The following DAZL variants were observed in gnomAD, a reference collection of about 807,000 sequenced individuals.
DAZL encodes the protein deleted in azoospermia-like.
DAZL carries 4 observed loss-of-function variants against 45.0 expected under a neutral mutation model. The ratio of observed to expected loss-of-function variants is 0.09; its 90% CI spans 0.04 to 0.20. DAZL has a LOEUF of 0.20. Ranked by LOEUF, DAZL falls within the 10% of genes least tolerant of loss-of-function variation. The probability of loss-of-function intolerance (pLI) is 1.00; values close to 1 mark genes in which losing one functional copy is unlikely to be tolerated. For synonymous variants in DAZL, 122 were observed against 112.4 expected (o/e 1.09, Z -0.54); for missense variants, 326 against 351.3 (o/e 0.93, Z 0.58).
chr3:16,603,601 C>G (rs953978324), intron 1 of DAZL, among the ~76,000 whole-genome samples: 3 of 152,178 alleles, frequency 2.0e-5, no homozygotes, highest in African/African-American at 7.2e-5. Flanking sequence ...CCCGCCTCAG[C>G]CTCCTAAAGA....
intron 1 of DAZL, among the ~76,000 whole-genome samples, chr3:16,604,114 G>A (rs1318680682): frequency 2.0e-5 from 3 of 152,142 alleles, no homozygotes; most frequent in Non-Finnish European, 4.4e-5. Flanking sequence ...CATAATAGGT[G>A]TTTATTTTTA....
intron 1 of DAZL, among the ~76,000 whole-genome samples, chr3:16,601,306 A>T (rs57742889): frequency 0.02 from 3,006 of 152,252 alleles, 104 homozygotes; most frequent in African/African-American, 0.068. Flanking sequence ...AGGAAGTCTG[A>T]CTTTGGCTTG....
At chr3:16,594,284 C>T (rs1030259236) in intron 8 of DAZL, among the ~76,000 whole-genome samples, 1 of 151,976 alleles carries the variant, frequency 6.6e-6, no homozygotes, top group African/African-American at 2.4e-5. Flanking sequence ...CAACAAGTAA[C>T]TGAACACTTA....
intron 1 of DAZL, 101 bp from the exon 2 acceptor site, chr3:16,598,699 A>C (rs1360551093): frequency 1.6e-6 from 2 of 1,245,278 alleles, no homozygotes; most frequent in Non-Finnish European, 2.1e-6. Context: ...TATTTTATAT[A>C]AATTACTTTC....
At chr3:16,596,028 G>C (rs898500531) in intron 6 of DAZL, among the ~76,000 whole-genome samples, 2 of 151,726 alleles carry the variant, frequency 1.3e-5, no homozygotes, top group Non-Finnish European at 2.9e-5. Flanking sequence ...CCATTGTTCA[G>C]AGAAGGAGAA....
At chr3:16,593,621 T>C (rs1216098968) in intron 9 of DAZL, 34 bp downstream of exon 9, 1 of 1,289,458 alleles carries the variant, frequency 7.8e-7, no homozygotes, top group Non-Finnish European at 1.1e-6. Flanking sequence ...AAAAAATAAA[T>C]ATGAAATATA....
chr3:16,593,003 T>C (rs1694544236), intron 9 of DAZL, among the ~76,000 whole-genome samples: 1 of 152,226 alleles, frequency 6.6e-6, no homozygotes, highest in Non-Finnish European at 1.5e-5. Flanking sequence ...TAATTATTAC[T>C]GACTTCACCA....
intron 6 of DAZL, 71 bp downstream of exon 6, chr3:16,596,679 T>A (rs1285825800): frequency 1.3e-6 from 2 of 1,521,898 alleles, no homozygotes; most frequent in African/African-American, 2.7e-5. Context: ...ACTACAGAAA[T>A]TGGATGTAAT....
Position 16,592,157 on chromosome 3 carries a change from CAGA to C in DAZL, c.736-12_736-10del, listed in dbSNP as rs1432428097. 1.9e-6 allele frequency: 3 copies of C among 1,610,842 alleles called. No homozygotes were observed. The highest frequency in any genetic ancestry group is 1.3e-5 in the African/African-American group (1 of 74,884). ...CTTCGGTCCACAGATTTCTGAAACA[CAGA>C]AGTTTTCAGTAATGTAAAGACGACT... On this transcript the variant is annotated splice_polypyrimidine_tract_variant and intron_variant, in intron 9 of 10. Transcript: ENST00000399444.
intron 1 of DAZL, among the ~76,000 whole-genome samples, chr3:16,603,130 G>A (rs1694717930): frequency 6.6e-6 from 1 of 152,052 alleles, no homozygotes; most frequent in Non-Finnish European, 1.5e-5. Context: ...ACCATCAGTG[G>A]GAAAATACTG....
chr3:16,593,893 A>G (rs1694558645), intron 8 of DAZL, 125 bp from the exon 9 acceptor site: 1 of 622,294 alleles, frequency 1.6e-6, no homozygotes, highest in African/African-American at 1.9e-5. Context: ...ATTCAATTAT[A>G]TTATTTCAAA....
chr3:16,598,018 C>G, intron 3 of DAZL, 69 bp downstream of exon 3: 1 of 1,356,754 alleles, frequency 7.4e-7, no homozygotes. Flanking sequence ...GTCAGAATAC[C>G]AATTTTGAAG....
chr3:16,604,548 T>G, intron 1 of DAZL: 1 of 1,451,306 alleles, frequency 6.9e-7, no homozygotes, highest in Non-Finnish European at 9.0e-7. Flanking sequence ...CCAGAGGCAC[T>G]TCCGGCCCAG....
At chr3:16,604,604 C>T (rs762341468) in intron 1 of DAZL, 3 of 1,383,106 alleles carry the variant, frequency 2.2e-6, no homozygotes, top group Non-Finnish European at 2.8e-6. Flanking sequence ...CCACACCCCA[C>T]GCTGAGGCCC....
chr3:16,595,183 C>G (rs1694579461), intron 7 of DAZL, 131 bp downstream of exon 7: 1 of 537,432 alleles, frequency 1.9e-6, no homozygotes, highest in Non-Finnish European at 3.3e-6. Flanking sequence ...TAATTCTAGA[C>G]TAATTTTTTT....
rs1008998178 is a variant in DAZL, at chr3:16,596,979, T to G, written c.358+9A>C. 2.5e-6 allele frequency: 4 copies of G among 1,613,068 alleles called. No homozygotes were observed. Among genetic ancestry groups the G allele is most frequent in the Non-Finnish European group, 3.4e-6 (4 of 1,179,428 alleles). On this transcript the variant is annotated intron_variant, in intron 5 of 10. Transcript: ENST00000399444. ...ATGTTTAAAAAGAACAATTTCTTTT[T>G]GTACTCACATAAATTTTGTTTCCTG...
Position 16,605,388 on chromosome 3 carries a change from A to G in DAZL, c.-183T>C. On this transcript the variant is annotated 5_prime_UTR_variant, in exon 1 of 11. Coordinates refer to ENST00000399444, the MANE Select transcript of DAZL (RefSeq NM_001351.4). Reference sequence around the variant, plus strand: ...GGGTGACAAGGCTGAGGAGCCCCGAAAGGCGGACCGTCAGGCTGAGGAGCG... The same window carrying G: ...GGGTGACAAGGCTGAGGAGCCCCGAGAGGCGGACCGTCAGGCTGAGGAGCG... 1.4e-6 allele frequency: 1 copy of G among 730,418 alleles called. No homozygotes were observed. Among genetic ancestry groups the G allele is most frequent in the Non-Finnish European group, 2.4e-6 (1 of 416,494 alleles). The allele number at this position is 730,418 out of a possible 1,614,324, so 45.2% of individuals were successfully genotyped here. A position where few individuals can be genotyped will look rare whatever the true frequency, so the allele number is the denominator to read the frequency against.
At chr3:16,595,467 T>C in intron 6 of DAZL, 82 bp from the exon 7 acceptor site, 5 of 804,952 alleles carry the variant, frequency 6.2e-6, no homozygotes, top group South Asian at 1.8e-5. Flanking sequence ...ATAACAAAAA[T>C]ATGAAAACTT....
chr3:16,592,771 T>C (rs1694540607), intron 9 of DAZL, among the ~76,000 whole-genome samples: 1 of 152,178 alleles, frequency 6.6e-6, no homozygotes, highest in African/African-American at 2.4e-5. Flanking sequence ...AATTACACTG[T>C]AAGCTATTTT....
Sources: gnomAD v4.1 joint callset for allele counts (sites outside exome capture counted in the v4.1 genomes callset) on GRCh38, gnomAD v4.1.1 for gene constraint, MANE v1.5 for transcripts, NCBI Gene and HGNC (gene_info 2026-07-23, HGNC 2026-07-21) for gene names.